PPP4R4: variants seen among roughly 807,000 people sequenced by gnomAD.
PPP4R4 encodes the protein protein phosphatase 4 regulatory subunit 4, also known as serine/threonine-protein phosphatase 4 regulatory subunit 4.
PPP4R4 carries 70 observed loss-of-function variants against 121.8 expected under a neutral mutation model. The ratio of observed to expected loss-of-function variants is 0.57; its 90% CI spans 0.47 to 0.70. The LOEUF (loss-of-function observed/expected upper bound fraction) is 0.70. PPP4R4 is among the 30% of genes least tolerant of loss of function. The pLI is 0.00. For missense variants in PPP4R4, 875 were observed against 1,033.6 expected, an observed-to-expected ratio of 0.85 and a Z score of 2.10; for synonymous variants, 348 against 355.7, an observed-to-expected ratio of 0.98 and a Z score of 0.24.
At chr14:94,204,255 A>G (rs1890342631) in intron 2 of PPP4R4, among the ~76,000 whole-genome samples, 2 of 152,088 alleles carry the variant, frequency 1.3e-5, no homozygotes, top group East Asian at 3.9e-4. Context: ...AGTGTGAGGC[A>G]TAGGTCATGT....
intron 3 of PPP4R4, among the ~76,000 whole-genome samples, chr14:94,210,987 T>G (rs1015950165): frequency 1.3e-5 from 2 of 152,208 alleles, no homozygotes; most frequent in Non-Finnish European, 2.9e-5. Context: ...GTGTCTACTT[T>G]CCAGTGATGA....
chr14:94,254,850 T>C (rs1328085865), intron 16 of PPP4R4, among the ~76,000 whole-genome samples: 1 of 152,132 alleles, frequency 6.6e-6, no homozygotes, highest in East Asian at 1.9e-4. Flanking sequence ...TGGGATTTAC[T>C]CTTAACTTCC....
intron 2 of PPP4R4, among the ~76,000 whole-genome samples, chr14:94,189,832 T>A (rs1889496558): frequency 6.6e-6 from 1 of 152,218 alleles, no homozygotes; most frequent in South Asian, 2.1e-4. Flanking sequence ...CTCAGTACTC[T>A]TGACAGTCTT....
chr14:94,217,999 GA>G (rs904155130), intron 3 of PPP4R4, among the ~76,000 whole-genome samples: 1 of 149,862 alleles, frequency 6.7e-6, no homozygotes, highest in Non-Finnish European at 1.5e-5. Flanking sequence ...TGTCTCAAAT[GA>G]AAAAAAAATG....
rs771664172 is a variant in PPP4R4, at chr14:94,278,657, T to C, written c.*14T>C. On this transcript the variant is annotated 3_prime_UTR_variant, in exon 25 of 25. Transcript: ENST00000304338. Reference sequence around the variant, plus strand: ...TCCAATCCTTAAATCAACTGCTTGATGAAGGAGGCAAAACAAAGGCAGCAG... The same window carrying C: ...TCCAATCCTTAAATCAACTGCTTGACGAAGGAGGCAAAACAAAGGCAGCAG... 1 of 1,573,336 alleles carries C rather than the reference T, an allele frequency of 6.4e-7. No individual in the cohort carries two copies. Among genetic ancestry groups the C allele is most frequent in the Non-Finnish European group, 8.6e-7 (1 of 1,156,556 alleles).
intron 8 of PPP4R4, among the ~76,000 whole-genome samples, chr14:94,240,126 C>T (rs1407314467): frequency 2.0e-5 from 3 of 152,000 alleles, no homozygotes; most frequent in Admixed American, 6.6e-5. Flanking sequence ...ATACTTATGA[C>T]CTAAGCAGAT....
At chr14:94,271,755 A>G (rs777231132) in intron 23 of PPP4R4, among the ~76,000 whole-genome samples, 3 of 152,214 alleles carry the variant, frequency 2.0e-5, no homozygotes, top group Admixed American at 6.5e-5. Flanking sequence ...AAGAATTGGC[A>G]AAAACACTCC....
intron 2 of PPP4R4, among the ~76,000 whole-genome samples, chr14:94,195,870 G>A (rs1889843477): frequency 6.6e-6 from 1 of 151,820 alleles, no homozygotes; most frequent in Non-Finnish European, 1.5e-5. Context: ...TAAAGATTAT[G>A]GTGATTATAA....
At position 94,251,192 on chromosome 14, in the gene PPP4R4, C is replaced by T. The variant is rs894438134; in HGVS notation, c.1718-557C>T. Among the ~76,000 whole-genome samples, 5 of 151,856 alleles carry T rather than the reference C, an allele frequency of 3.3e-5. No individual in the cohort carries two copies. The East Asian group carries it at 9.6e-4, about 29-fold the overall frequency. On this transcript the variant is annotated intron_variant, in intron 15 of 24. Transcript: ENST00000304338. ...AGAAAATTAACCTTTTAAATATTGA[C>T]CTGAATTATTGTCAGTAATGCTGTT... is the stretch of plus-strand genomic sequence containing the variant.
chr14:94,248,814 T>G (rs1402367317), intron 14 of PPP4R4, among the ~76,000 whole-genome samples: 1 of 152,206 alleles, frequency 6.6e-6, no homozygotes, highest in African/African-American at 2.4e-5. Context: ...CGTTTACTAA[T>G]GTAAAGACAG....
At position 94,218,699 on chromosome 14, in the gene PPP4R4, G is replaced by T. The variant is rs1256864630; in HGVS notation, c.294+10133G>T. Among the ~76,000 whole-genome samples, 5 of 103,780 alleles carry T rather than the reference G, an allele frequency of 4.8e-5. No homozygotes were observed. The East Asian group carries it at 1.7e-3, about 35-fold the overall frequency. 68.1% of individuals were successfully genotyped at this position (103,780 alleles called of 152,430 possible). ...ACTCACCCCTAGACACTGCACGCGC[G>T]CGCGCGCACACACCCTCACCCCTAG... On this transcript the variant is annotated intron_variant, in intron 3 of 24. Transcript: ENST00000304338.
intron 2 of PPP4R4, among the ~76,000 whole-genome samples, chr14:94,190,024 G>A (rs17129512): frequency 0.011 from 1,677 of 150,304 alleles, 34 homozygotes; most frequent in African/African-American, 0.038. Context: ...TCCTGTAGGT[G>A]CCAGGGATTT....
At chr14:94,276,531 G>A (rs1421789125) in intron 24 of PPP4R4, among the ~76,000 whole-genome samples, 1 of 152,140 alleles carries the variant, frequency 6.6e-6, no homozygotes, top group African/African-American at 2.4e-5. Flanking sequence ...ACATCACATG[G>A]TAAAAACAGG....
At chr14:94,266,134 T>C (rs1894041013) in intron 22 of PPP4R4, among the ~76,000 whole-genome samples, 1 of 152,148 alleles carries the variant, frequency 6.6e-6, no homozygotes, top group Non-Finnish European at 1.5e-5. Context: ...AATAATATCA[T>C]AGAATCCATA....
chr14:94,219,573 A>G (rs1444986630), intron 3 of PPP4R4, among the ~76,000 whole-genome samples: 1 of 152,190 alleles, frequency 6.6e-6, no homozygotes, highest in Non-Finnish European at 1.5e-5. Flanking sequence ...TATACTCATG[A>G]GCGTAGATGC....
At chr14:94,223,851 G>C (rs1281221766) in intron 3 of PPP4R4, among the ~76,000 whole-genome samples, 1 of 151,822 alleles carries the variant, frequency 6.6e-6, no homozygotes, top group African/African-American at 2.4e-5. Flanking sequence ...TACCTGCATA[G>C]GTTCTCTGTG....
At chr14:94,254,564 T>G (rs1893363914) in intron 16 of PPP4R4, among the ~76,000 whole-genome samples, 1 of 152,180 alleles carries the variant, frequency 6.6e-6, no homozygotes, top group African/African-American at 2.4e-5. Context: ...AAAGCAAATT[T>G]TGTTGTATAT....
chr14:94,210,343 A>G (rs1163749384), intron 3 of PPP4R4, among the ~76,000 whole-genome samples: 1 of 151,782 alleles, frequency 6.6e-6, no homozygotes, highest in Admixed American at 6.6e-5. Context: ...ATACACTCAT[A>G]TGTATAGCGT....
At chr14:94,197,339 T>G (rs996381579) in intron 2 of PPP4R4, among the ~76,000 whole-genome samples, 9 of 152,190 alleles carry the variant, frequency 5.9e-5, no homozygotes, top group Admixed American at 1.3e-4. Context: ...GTGGCATGCA[T>G]TTTTGGTTTG....
Sources: allele counts gnomAD v4.1 joint callset (sites outside exome capture counted in the v4.1 genomes callset), GRCh38; gene constraint gnomAD v4.1.1; transcripts MANE v1.5; gene names NCBI Gene and HGNC (gene_info 2026-07-23, HGNC 2026-07-21).